Variants in IQGAP2 observed in about 807,000 individuals in gnomAD.
IQGAP2 encodes ras GTPase-activating-like protein IQGAP2.
A neutral mutation model predicts 201.3 loss-of-function variants in IQGAP2; 173 were observed. The ratio of observed to expected loss-of-function variants is 0.86; its 90% CI spans 0.76 to 0.98. The LOEUF is 0.98. Ranked by LOEUF, IQGAP2 falls within the 50% of genes least tolerant of loss-of-function variation. The probability of loss-of-function intolerance (pLI) is 0.00; values close to 1 mark genes in which losing one functional copy is unlikely to be tolerated. For missense variants in IQGAP2, 1,687 were observed against 1,864.8 expected (o/e 0.90, Z 1.76); for synonymous variants, 675 against 673.9 (o/e 1.00, Z -0.03).
At chr5:76,519,232 C>T (rs773293125) in intron 2 of IQGAP2, among the ~76,000 whole-genome samples, 2 of 152,212 alleles carry the variant, frequency 1.3e-5, no homozygotes, top group Admixed American at 6.5e-5. Context: ...GCACAACCTT[C>T]CTCTACTCCA....
intron 2 of IQGAP2, among the ~76,000 whole-genome samples, chr5:76,476,233 T>A (rs1755417533): frequency 1.3e-5 from 2 of 151,946 alleles, no homozygotes; most frequent in Non-Finnish European, 2.9e-5. Flanking sequence ...GAGGCAGGCC[T>A]GGGAGGAAGG....
At chr5:76,647,846 CACACAA>C (rs1392233124) in intron 17 of IQGAP2, among the ~76,000 whole-genome samples, 1 of 151,644 alleles carries the variant, frequency 6.6e-6, no homozygotes, top group Non-Finnish European at 1.5e-5. Flanking sequence ...CACACACACA[CACACAA>C]ACGAAAAAAA....
At chr5:76,494,997 G>T (rs1756799774) in intron 2 of IQGAP2, among the ~76,000 whole-genome samples, 1 of 152,174 alleles carries the variant, frequency 6.6e-6, no homozygotes, top group African/African-American at 2.4e-5. Context: ...CCATTTGTCA[G>T]TGGAGGCAGT....
intron 29 of IQGAP2, among the ~76,000 whole-genome samples, 186 bp downstream of exon 29, chr5:76,683,403 C>T (rs368220277): frequency 1.3e-5 from 2 of 151,972 alleles, no homozygotes; most frequent in Admixed American, 6.5e-5. Flanking sequence ...TAATGGAGTC[C>T]GGGATTATAA....
intron 2 of IQGAP2, among the ~76,000 whole-genome samples, chr5:76,519,594 T>C (rs1490962490): frequency 6.6e-6 from 1 of 152,258 alleles, no homozygotes; most frequent in African/African-American, 2.4e-5. Context: ...TGGTTAACTT[T>C]ATAATAAATG....
At chr5:76,576,270 G>A (rs1042138158) in intron 5 of IQGAP2, among the ~76,000 whole-genome samples, 6 of 152,132 alleles carry the variant, frequency 3.9e-5, no homozygotes, top group Non-Finnish European at 7.4e-5. Flanking sequence ...TAAGGATAAA[G>A]AAGAAACATA....
At chr5:76,550,457 T>A (rs892337408) in intron 2 of IQGAP2, among the ~76,000 whole-genome samples, 3 of 151,152 alleles carry the variant, frequency 2.0e-5, no homozygotes, top group Non-Finnish European at 4.4e-5. Context: ...CAGATAAACA[T>A]GTGAACAAGG....
intron 2 of IQGAP2, among the ~76,000 whole-genome samples, chr5:76,504,931 G>T (rs1411549612): frequency 1.3e-5 from 2 of 152,100 alleles, no homozygotes; most frequent in Non-Finnish European, 2.9e-5. Context: ...TGCTTAGGTG[G>T]ACCCTCCTCC....
intron 11 of IQGAP2, among the ~76,000 whole-genome samples, chr5:76,605,302 A>G (rs1488551805): frequency 6.6e-6 from 1 of 152,214 alleles, no homozygotes; most frequent in Non-Finnish European, 1.5e-5. Flanking sequence ...CCAGAGGGCT[A>G]TGCACAGTGA....
At chr5:76,439,798 C>G (rs1032282482) in intron 1 of IQGAP2, among the ~76,000 whole-genome samples, 7 of 151,994 alleles carry the variant, frequency 4.6e-5, no homozygotes, top group African/African-American at 1.5e-4. Context: ...TTGTTTTAAT[C>G]CATTTTGCCA....
chr5:76,542,991 C>T (rs1742870441), intron 2 of IQGAP2, among the ~76,000 whole-genome samples: 1 of 152,170 alleles, frequency 6.6e-6, no homozygotes, highest in Non-Finnish European at 1.5e-5. Flanking sequence ...ACAAATGTTT[C>T]ATGTCTGTGG....
chr5:76,694,336 G>T (rs554479760), intron 31 of IQGAP2, among the ~76,000 whole-genome samples: 4 of 152,196 alleles, frequency 2.6e-5, no homozygotes, highest in African/African-American at 9.6e-5. Flanking sequence ...TAATATGTGG[G>T]TATGTTTTAA....
At chr5:76,532,342 A>G (rs1476107654) in intron 2 of IQGAP2, among the ~76,000 whole-genome samples, 1 of 152,186 alleles carries the variant, frequency 6.6e-6, no homozygotes, top group Admixed American at 6.5e-5. Flanking sequence ...CCTTATCATT[A>G]TAAGATGAAA....
intron 17 of IQGAP2, among the ~76,000 whole-genome samples, chr5:76,649,128 G>A (rs756218918): frequency 6.6e-6 from 1 of 152,156 alleles, no homozygotes; most frequent in Admixed American, 6.6e-5. Flanking sequence ...GAAAATATTT[G>A]GAAAAGCAGT....
At position 76,507,531 on chromosome 5, in the gene IQGAP2, C is replaced by T. The variant is rs117625251; in HGVS notation, c.146+45862C>T. 6.4e-4 allele frequency among the ~76,000 whole-genome samples: 98 copies of T among 152,094 alleles called. 1 individual carries two copies. The East Asian group carries it at 0.017, about 26-fold the overall frequency. ...AGACATGATCTGTGAAAGAAAGAATCGATAAACTGGACTTAAATTAAAATT... is the reference window on the plus strand; with the variant it reads ...AGACATGATCTGTGAAAGAAAGAATTGATAAACTGGACTTAAATTAAAATT... On this transcript the variant is annotated intron_variant, in intron 2 of 35. Coordinates refer to ENST00000274364, the MANE Select transcript of IQGAP2 (RefSeq NM_006633.5).
At chr5:76,600,425 A>G (rs1210157346) in intron 10 of IQGAP2, among the ~76,000 whole-genome samples, 1 of 152,188 alleles carries the variant, frequency 6.6e-6, no homozygotes, top group East Asian at 1.9e-4. Flanking sequence ...CAAACTGGAA[A>G]TCGTTAGCTG....
chr5:76,652,842 C>A lies in IQGAP2; in HGVS notation c.2178+9C>A. The stretch of plus-strand genomic sequence containing the variant: ...CTGATTCTATTGTGAAGGTAAATAC[C>A]CTTTCCTACCATACCAAGTGCTTGG... On this transcript the variant is annotated intron_variant, in intron 18 of 35. Coordinates refer to ENST00000274364, the MANE Select transcript of IQGAP2 (RefSeq NM_006633.5). The A allele has an allele frequency of 6.5e-7, 1 of 1,528,150 alleles. No homozygotes were observed. The highest frequency in any genetic ancestry group is 1.1e-5 in the South Asian group (1 of 89,398). The allele number at this position is 1,528,150 out of a possible 1,614,324, so 94.7% of individuals were successfully genotyped here. A position where few individuals can be genotyped will look rare whatever the true frequency, so the allele number is the denominator to read the frequency against.
chr5:76,411,646 C>T (rs576207549), intron 1 of IQGAP2, among the ~76,000 whole-genome samples: 68 of 152,254 alleles, frequency 4.5e-4, no homozygotes, highest in African/African-American at 1.4e-3. Flanking sequence ...TGCCATGTTA[C>T]GGTGCAGTAA....
At chr5:76,444,652 T>A (rs1289279550) in intron 1 of IQGAP2, among the ~76,000 whole-genome samples, 2 of 152,274 alleles carry the variant, frequency 1.3e-5, no homozygotes, top group Admixed American at 6.5e-5. Context: ...GAAGGCAGCA[T>A]TTGAAATTTT....
Sources: allele counts gnomAD v4.1 joint callset (sites outside exome capture counted in the v4.1 genomes callset), GRCh38; gene constraint gnomAD v4.1.1; transcripts MANE v1.5; gene names NCBI Gene and HGNC (gene_info 2026-07-23, HGNC 2026-07-21).